DNM3: variants seen among roughly 807,000 people sequenced by gnomAD.
The protein encoded by DNM3 is dynamin 3.
Under a neutral mutation model 101.6 loss-of-function variants are expected in DNM3, and 47 were observed. That is an observed-to-expected ratio of 0.46 (90% CI 0.37 to 0.59). The LOEUF is 0.59. Among genes scored for constraint, DNM3 ranks in the 20% least tolerant of loss-of-function variants. The pLI, the probability that DNM3 is intolerant of heterozygous loss-of-function variation, is 0.00. For missense variants in DNM3, 849 were observed against 1,085.7 expected, an observed-to-expected ratio of 0.78 and a Z score of 3.06; for synonymous variants, 385 against 387.9, an observed-to-expected ratio of 0.99 and a Z score of 0.09.
intron 2 of DNM3, among the ~76,000 whole-genome samples, chr1:171,926,073 A>C (rs1290597871): frequency 6.6e-6 from 1 of 152,118 alleles, no homozygotes; most frequent in Non-Finnish European, 1.5e-5. Flanking sequence ...GTCTATTTTC[A>C]TACAAGTACC....
intron 2 of DNM3, among the ~76,000 whole-genome samples, chr1:171,976,617 C>G (rs1266723491): frequency 6.6e-6 from 1 of 152,110 alleles, no homozygotes; most frequent in East Asian, 1.9e-4. Context: ...GGGGACACAG[C>G]CAAACCATAT....
chr1:172,253,235 G>C (rs2062250536), intron 14 of DNM3, among the ~76,000 whole-genome samples: 1 of 152,068 alleles, frequency 6.6e-6, no homozygotes, highest in South Asian at 2.1e-4. Flanking sequence ...ACCCACATGA[G>C]GGGGAAAGGA....
chr1:171,951,425 T>G (rs1222330398), intron 2 of DNM3, among the ~76,000 whole-genome samples: 1 of 152,200 alleles, frequency 6.6e-6, no homozygotes, highest in Non-Finnish European at 1.5e-5. Flanking sequence ...TATGAAAGTT[T>G]CGTTTGTCAT....
At chr1:172,343,277 T>C (rs1192236291) in intron 17 of DNM3, among the ~76,000 whole-genome samples, 1 of 152,084 alleles carries the variant, frequency 6.6e-6, no homozygotes, top group African/African-American at 2.4e-5. Flanking sequence ...TTTCTCAACC[T>C]TTTTTTCTTG....
At chr1:172,030,628 A>T (rs1483637501) in intron 4 of DNM3, among the ~76,000 whole-genome samples, 1 of 152,218 alleles carries the variant, frequency 6.6e-6, no homozygotes, top group South Asian at 2.1e-4. Flanking sequence ...ACAGAATAGG[A>T]GAAAATTTTT....
intron 14 of DNM3, among the ~76,000 whole-genome samples, chr1:172,136,113 G>A (rs1202560001): frequency 3.9e-5 from 6 of 152,210 alleles, no homozygotes; most frequent in Admixed American, 3.3e-4. Flanking sequence ...CATCTGCATT[G>A]AAATAAGGAC....
chr1:171,971,041 C>T (rs2125545807), intron 2 of DNM3, among the ~76,000 whole-genome samples: 1 of 152,092 alleles, frequency 6.6e-6, no homozygotes, highest in Middle Eastern at 3.4e-3. Context: ...TCTTTCTGTG[C>T]ATTATCTTAT....
intron 1 of DNM3, among the ~76,000 whole-genome samples, chr1:171,919,100 T>A (rs1423460937): frequency 6.6e-6 from 1 of 152,200 alleles, no homozygotes; most frequent in Non-Finnish European, 1.5e-5. Flanking sequence ...TCACTCATGG[T>A]CCTCACGGCT....
intron 2 of DNM3, among the ~76,000 whole-genome samples, chr1:171,979,353 A>G (rs1236567179): frequency 6.6e-6 from 1 of 152,176 alleles, no homozygotes; most frequent in African/African-American, 2.4e-5. Context: ...TACCCTAAAG[A>G]AAGGAAATGA....
intron 1 of DNM3, among the ~76,000 whole-genome samples, chr1:171,869,717 C>G (rs2035097338): frequency 6.6e-6 from 1 of 152,176 alleles, no homozygotes; most frequent in Admixed American, 6.5e-5. Context: ...TTTCACTGCC[C>G]TGCCTTATTG....
intron 1 of DNM3, among the ~76,000 whole-genome samples, chr1:171,886,510 T>C (rs1250810279): frequency 6.6e-6 from 1 of 152,122 alleles, no homozygotes; most frequent in Non-Finnish European, 1.5e-5. Context: ...AATGATGCTT[T>C]TCTGGTTCCC....
chr1:172,163,791 C>T (rs1400953790), intron 14 of DNM3, among the ~76,000 whole-genome samples: 3 of 151,982 alleles, frequency 2.0e-5, no homozygotes, highest in African/African-American at 2.4e-5. Flanking sequence ...TAGGTTCATC[C>T]GCATGGTCAC....
rs1354778233 is a variant in DNM3, at chr1:172,015,767, C to A, written c.590-16635C>A. On this transcript the variant is annotated intron_variant, in intron 4 of 20. Transcript: ENST00000627582. ...AATCTATAAAGAGTTATTTCATTTTCTTTTCTTATTGCATTAGCTAGGACT... is the reference window on the plus strand; with the variant it reads ...AATCTATAAAGAGTTATTTCATTTTATTTTCTTATTGCATTAGCTAGGACT... Among the ~76,000 whole-genome samples, 7 of 152,190 alleles carry A rather than the reference C, an allele frequency of 4.6e-5. No homozygotes were observed. In the East Asian group the frequency reaches 1.4e-3, roughly 29 times the overall value.
At position 172,235,543 on chromosome 1, in the gene DNM3, AG is replaced by A. The variant is rs559151740; in HGVS notation, c.1660-18029del. ...GTCATGCTGCTGTAAAGACACAGGC[AG>A]ACGTATGTTTATTGCGGCACTATTC... On this transcript the variant is annotated intron_variant, in intron 14 of 20. Coordinates refer to ENST00000627582, the MANE Select transcript of DNM3 (RefSeq NM_015569.5). 2.5e-3 allele frequency among the ~76,000 whole-genome samples: 375 copies of A among 152,342 alleles called. 4 individuals carry two copies. Among genetic ancestry groups the A allele is most frequent in the African/African-American group, 8.4e-3 (350 of 41,574 alleles).
At chr1:171,937,954 C>T (rs962505076) in intron 2 of DNM3, among the ~76,000 whole-genome samples, 1 of 152,144 alleles carries the variant, frequency 6.6e-6, no homozygotes, top group African/African-American at 2.4e-5. Flanking sequence ...TTTTGAGAAA[C>T]ACTCTCAACA....
intron 15 of DNM3, among the ~76,000 whole-genome samples, chr1:172,280,057 C>A (rs1236670802): frequency 6.6e-6 from 1 of 152,110 alleles, no homozygotes; most frequent in Non-Finnish European, 1.5e-5. Context: ...GCATTGTTCA[C>A]CCTGCTCCAG....
At chr1:172,168,387 CA>C (rs1246047096) in intron 14 of DNM3, among the ~76,000 whole-genome samples, 1 of 151,924 alleles carries the variant, frequency 6.6e-6, no homozygotes, top group African/African-American at 2.4e-5. Context: ...TATATTTTAA[CA>C]AAAGGTTTAG....
intron 14 of DNM3, among the ~76,000 whole-genome samples, chr1:172,165,310 G>GA (rs150866512): frequency 6.6e-6 from 1 of 151,742 alleles, no homozygotes; most frequent in South Asian, 2.1e-4. Flanking sequence ...TCTTTCAGGG[G>GA]AAAAAAAGGT....
intron 14 of DNM3, among the ~76,000 whole-genome samples, chr1:172,216,532 G>A (rs796200044): frequency 5.3e-5 from 8 of 152,190 alleles, no homozygotes; most frequent in East Asian, 1.9e-4. Flanking sequence ...GTCTGAAGCC[G>A]AAAACTACTT....
Sources: gnomAD v4.1 joint callset for allele counts (sites outside exome capture counted in the v4.1 genomes callset) on GRCh38, gnomAD v4.1.1 for gene constraint, MANE v1.5 for transcripts, NCBI Gene and HGNC (gene_info 2026-07-23, HGNC 2026-07-21) for gene names.